The following TNIK variants were observed in gnomAD, a reference collection of about 807,000 sequenced individuals.
TNIK encodes TRAF2 and NCK interacting kinase.
In TNIK, 49 loss-of-function variants were observed where a neutral mutation model predicts 191.3. The ratio of observed to expected loss-of-function variants is 0.26; its 90% confidence interval spans 0.20 to 0.32. The LOEUF is 0.32. TNIK is among the 10% of genes least tolerant of loss of function. TNIK has a pLI of 1.00. For synonymous variants in TNIK, 594 were observed against 600.9 expected, an observed-to-expected ratio of 0.99 and a Z score of 0.17; for missense variants, 1,155 against 1,702.3, an observed-to-expected ratio of 0.68 and a Z score of 5.66.
At chr3:171,378,747 C>A (rs1290291420) in intron 1 of TNIK, among the ~76,000 whole-genome samples, 2 of 152,174 alleles carry the variant, frequency 1.3e-5, no homozygotes, top group African/African-American at 2.4e-5. Flanking sequence ...TAAAATATCT[C>A]TACCCATTTT....
intron 1 of TNIK, among the ~76,000 whole-genome samples, chr3:171,412,064 T>C (rs1022805717): frequency 2.6e-5 from 4 of 152,274 alleles, no homozygotes; most frequent in East Asian, 1.9e-4. Flanking sequence ...CTTCAAACCA[T>C]CCTACTTGAG....
At chr3:171,458,100 A>T (rs1208178627) in intron 1 of TNIK, among the ~76,000 whole-genome samples, 1 of 151,898 alleles carries the variant, frequency 6.6e-6, no homozygotes, top group Non-Finnish European at 1.5e-5. Context: ...CAGGGAAATC[A>T]CCGCAAGCCC....
At chr3:171,383,302 T>C (rs1718307509) in intron 1 of TNIK, among the ~76,000 whole-genome samples, 1 of 152,186 alleles carries the variant, frequency 6.6e-6, no homozygotes, top group African/African-American at 2.4e-5. Context: ...TGCACCCCAC[T>C]GAGGGCAACA....
chr3:171,198,986 C>T (rs1055422313), intron 4 of TNIK, among the ~76,000 whole-genome samples: 1 of 152,120 alleles, frequency 6.6e-6, no homozygotes, highest in East Asian at 1.9e-4. Flanking sequence ...GTAATTATAG[C>T]TCCCAAGGAA....
At chr3:171,413,252 T>A (rs377165597) in intron 1 of TNIK, among the ~76,000 whole-genome samples, 3 of 152,342 alleles carry the variant, frequency 2.0e-5, no homozygotes, top group African/African-American at 7.2e-5. Flanking sequence ...GACACGGCTC[T>A]GATTAAATAA....
At chr3:171,310,853 C>T (rs1236698198) in intron 2 of TNIK, among the ~76,000 whole-genome samples, 2 of 152,150 alleles carry the variant, frequency 1.3e-5, no homozygotes, top group Admixed American at 1.3e-4. Flanking sequence ...GCTGATAGCA[C>T]ACTCTTTAGA....
chr3:171,326,880 C>A (rs1190471912), intron 2 of TNIK, among the ~76,000 whole-genome samples: 1 of 152,172 alleles, frequency 6.6e-6, no homozygotes, highest in Admixed American at 6.5e-5. Context: ...CATACCTAGT[C>A]TGCTTATATT....
Position 171,066,684 on chromosome 3 carries a change from C to T in TNIK, c.3751G>A (p.Gly1251Arg). Residue 1251 changes from glycine to arginine, a missense_variant, in exon 31 of 33, where the codon GGA becomes AGA. Physicochemically the swap from Gly to Arg is moderately radical, Grantham distance 125 (BLOSUM62 -2). This residue lies in a region of TNIK where 195 missense variants were observed against 415.4 expected (regional missense o/e 0.47). Transcript: ENST00000436636. Reference protein sequence around the residue: ...HAIVILPKTDGMEMLVCYEDE... With the variant: ...HAIVILPKTDRMEMLVCYEDE... ...TCATAGCAAACAAGCATTTCCATTC[C>T]ATCTGTTTTAGGCAAGATGACAATA... 6.2e-7 allele frequency: 1 copy of T among 1,613,822 alleles called. No individual in the cohort carries two copies. Among genetic ancestry groups the T allele is most frequent in the South Asian group, 1.1e-5 (1 of 91,070 alleles).
In TNIK at chr3:171,459,899, T is replaced by C. The variant is rs1234246878; in HGVS notation, c.57+108A>G. 12 of 1,349,088 alleles carry C rather than the reference T, an allele frequency of 8.9e-6. No homozygotes were observed. In the Admixed American group the frequency reaches 2.3e-4, roughly 26 times the overall value. 83.6% of individuals were successfully genotyped at this position (1,349,088 alleles called of 1,614,324 possible). On this transcript the variant is annotated intron_variant, in intron 1 of 32. Transcript: ENST00000436636. ...GAATCCAGGTTCCCTCCCCGACGCA[T>C]TCTCCCGCTGCTGTCCCCCTGCCCC...
intron 21 of TNIK, among the ~76,000 whole-genome samples, chr3:171,103,308 T>TATAAAA (rs1272840849): frequency 2.6e-5 from 4 of 152,146 alleles, no homozygotes; most frequent in African/African-American, 9.7e-5. Context: ...TAATGCATAT[T>TATAAAA]ATAAAAAGAA....
chr3:171,104,612 T>C (rs1724377463), intron 21 of TNIK, among the ~76,000 whole-genome samples: 1 of 152,180 alleles, frequency 6.6e-6, no homozygotes, highest in Admixed American at 6.5e-5. Flanking sequence ...ACATCTTGAC[T>C]AAAAAGGCGC....
At chr3:171,268,708 G>A (rs923758144) in intron 2 of TNIK, among the ~76,000 whole-genome samples, 1 of 152,010 alleles carries the variant, frequency 6.6e-6, no homozygotes, top group African/African-American at 2.4e-5. Flanking sequence ...AAGACAGAGG[G>A]AAAGGTAATC....
chr3:171,348,505 G>C (rs1203523873), intron 2 of TNIK, among the ~76,000 whole-genome samples: 3 of 152,072 alleles, frequency 2.0e-5, no homozygotes, highest in Non-Finnish European at 2.9e-5. Flanking sequence ...ACAGGACCTA[G>C]AGCCTACAGT....
At position 171,205,632 on chromosome 3, in the gene TNIK, T is replaced by C. The variant is rs893325380; in HGVS notation, c.306+5484A>G. 2.0e-5 allele frequency among the ~76,000 whole-genome samples: 3 copies of C among 152,188 alleles called. No homozygotes were observed. The South Asian group carries it at 6.2e-4, about 32-fold the overall frequency. On this transcript the variant is annotated intron_variant, in intron 4 of 32. Coordinates refer to ENST00000436636, the MANE Select transcript of TNIK (RefSeq NM_015028.4). ...AAACAGTTTCCTAACTGGTCTCCTG[T>C]TTCTCTCCTTGACCCATCTGGTCTA...
At chr3:171,139,603 A>G (rs758973442) in intron 13 of TNIK, 47 bp from the exon 14 acceptor site, 45 of 1,593,224 alleles carry the variant, frequency 2.8e-5, no homozygotes, top group Non-Finnish European at 3.4e-5. Context: ...AAAGAAAGAG[A>G]GAAATGAACC....
chr3:171,209,061 A>AGG (rs200056160), intron 4 of TNIK, among the ~76,000 whole-genome samples: 2 of 67,212 alleles, frequency 3.0e-5, no homozygotes, highest in South Asian at 6.1e-4. Flanking sequence ...TTGCTTTGGA[A>AGG]GGGGTGTGTG....
chr3:171,091,513 C>A (rs115999551), intron 23 of TNIK, among the ~76,000 whole-genome samples: 1 of 152,024 alleles, frequency 6.6e-6, no homozygotes, highest in African/African-American at 2.4e-5. Context: ...GAGGTCAAGG[C>A]GGGCAGATTG....
At chr3:171,299,419 T>C (rs891696238) in intron 2 of TNIK, among the ~76,000 whole-genome samples, 6 of 139,248 alleles carry the variant, frequency 4.3e-5, no homozygotes, top group Non-Finnish European at 7.4e-5. Flanking sequence ...TTTGGGCTTG[T>C]TGTTGCCTTG....
rs151036969 is a variant in TNIK at position 171,061,553 on chromosome 3, T to TA, written c.*2327dup. 3.3e-5 allele frequency: 5 copies of TA among 152,030 alleles called. No individual in the cohort carries two copies. Among genetic ancestry groups the TA allele is most frequent in the Non-Finnish European group, 7.4e-5 (5 of 67,996 alleles). The allele number at this position is 152,030 out of a possible 1,614,324, so 9.4% of individuals were successfully genotyped here. ...CTTAACTGTACCCAAAATCCCACAA[T>TA]AAAAAAATCATTTAAAGCTGTGTGT... is the stretch of plus-strand genomic sequence containing the variant. On this transcript the variant is annotated 3_prime_UTR_variant, in exon 33 of 33. Transcript: ENST00000436636.
Sources: allele counts gnomAD v4.1 joint callset (sites outside exome capture counted in the v4.1 genomes callset), GRCh38; gene constraint gnomAD v4.1.1; regional missense constraint gnomAD v4.1.1; transcripts MANE v1.5; gene names NCBI Gene and HGNC (gene_info 2026-07-23, HGNC 2026-07-21).